The following DACH2 variants were observed in gnomAD, a reference collection of about 807,000 sequenced individuals.
DACH2 encodes the protein dachshund family transcription factor 2.
Under a neutral mutation model 35.8 loss-of-function variants are expected in DACH2, and 17 were observed. The observed-to-expected ratio is 0.48, with a 90% CI of 0.33 to 0.71. The LOEUF (loss-of-function observed/expected upper bound fraction) is 0.71, where lower values mean the gene tolerates loss of function less well. Ranked by LOEUF, DACH2 falls within the 30% of genes least tolerant of loss-of-function variation. The pLI is 0.02. For synonymous variants in DACH2, 195 were observed against 177.3 expected, an observed-to-expected ratio of 1.10 and a Z score of -0.79; for missense variants, 469 against 472.7, an observed-to-expected ratio of 0.99 and a Z score of 0.07.
chrX:86,293,441 T>A (rs1236239139), intron 1 of DACH2, among the ~76,000 whole-genome samples: 1 of 108,438 alleles, frequency 9.2e-6, no homozygotes, highest in Admixed American at 9.9e-5. Context: ...TTAATATTGT[T>A]ATGTGTGAAT....
chrX:86,757,240 G>T (rs2041838427), intron 7 of DACH2, among the ~76,000 whole-genome samples: 1 of 111,400 alleles, frequency 9.0e-6, no homozygotes, highest in Non-Finnish European at 1.9e-5. Flanking sequence ...GTTGATTGTA[G>T]CACTATTCAT....
At chrX:86,335,671 A>G (rs750510548) in intron 1 of DACH2, among the ~76,000 whole-genome samples, 1 of 111,906 alleles carries the variant, frequency 8.9e-6, no homozygotes, top group Non-Finnish European at 1.9e-5. Context: ...GGTTTTCTGA[A>G]TATGCAATCA....
chrX:86,396,567 A>G (rs1453157755), intron 2 of DACH2, among the ~76,000 whole-genome samples: 2,316 of 105,273 alleles, frequency 0.022, 19 homozygotes, highest in Non-Finnish European at 0.034. Context: ...ATTTTTGTAT[A>G]AGGTGTAAGG....
At chrX:86,831,128 C>A (rs1423392644) in intron 11 of DACH2, 1 of 110,772 alleles carries the variant, frequency 9.0e-6, no homozygotes, top group Non-Finnish European at 1.9e-5. Flanking sequence ...GAAAATTCTG[C>A]CACTCACCAT....
At chrX:86,415,925 G>A (rs1295170275) in intron 2 of DACH2, among the ~76,000 whole-genome samples, 9 of 111,749 alleles carry the variant, frequency 8.1e-5, no homozygotes, top group African/African-American at 2.9e-4. Flanking sequence ...GTTTCTGAGA[G>A]GAAGGAAGAA....
At chrX:86,814,582 T>A in intron 9 of DACH2, 106 bp from the exon 10 acceptor site, 2 of 802,984 alleles carry the variant, frequency 2.5e-6, no homozygotes, top group Non-Finnish European at 3.5e-6. Context: ...GTGAAATATT[T>A]CTATATCTCT....
At chrX:86,291,635 G>T in intron 1 of DACH2, among the ~76,000 whole-genome samples, 1 of 108,511 alleles carries the variant, frequency 9.2e-6, no homozygotes, top group Non-Finnish European at 1.9e-5. Context: ...TTAGCATGAA[G>T]GGTTGTTAAA....
intron 4 of DACH2, among the ~76,000 whole-genome samples, chrX:86,667,623 A>AGGCAGGCC (rs1188784569): frequency 3.6e-5 from 4 of 109,830 alleles, no homozygotes; most frequent in African/African-American, 1.3e-4. Flanking sequence ...AAAGGCAGGC[A>AGGCAGGCC]GGCCCTGGTC....
At position 86,199,156 on chromosome X, in the gene DACH2, G is replaced by T. The variant is rs140814353; in HGVS notation, c.488+50048G>T. ...GATTCATCATATAAACAGAAGTAAA[G>T]AAAAAAACCACATGATTATTTCAAT... On this transcript the variant is annotated intron_variant, in intron 1 of 11. Coordinates refer to ENST00000373125, the MANE Select transcript of DACH2 (RefSeq NM_053281.3). Among the ~76,000 whole-genome samples, 462 of 110,411 alleles carry T rather than the reference G, an allele frequency of 4.2e-3. 2 individuals carry two copies. Among genetic ancestry groups the T allele is most frequent in the Non-Finnish European group, 6.9e-3 (364 of 52,686 alleles).
At chrX:86,248,993 A>G (rs1218863420) in intron 1 of DACH2, among the ~76,000 whole-genome samples, 2 of 111,554 alleles carry the variant, frequency 1.8e-5, no homozygotes, top group Admixed American at 9.5e-5. Context: ...GGGATAACTG[A>G]CTAGTTATAT....
chrX:86,315,788 GACACACACACACACACACACACAC>G (rs774427717), intron 1 of DACH2, among the ~76,000 whole-genome samples: 11 of 78,509 alleles, frequency 1.4e-4, no homozygotes, highest in African/African-American at 5.6e-4. Context: ...GAGGGTCGTG[GACACACACACACACACACACACAC>G]ACACACACAC....
chrX:86,688,092 T>C (rs972686971), intron 4 of DACH2, among the ~76,000 whole-genome samples: 2 of 111,634 alleles, frequency 1.8e-5, no homozygotes, highest in Non-Finnish European at 3.8e-5. Context: ...ACAACATTTG[T>C]AGTGCAAGTT....
intron 1 of DACH2, among the ~76,000 whole-genome samples, chrX:86,162,299 G>A (rs2030790408): frequency 9.0e-6 from 1 of 110,951 alleles, no homozygotes; most frequent in African/African-American, 3.3e-5. Context: ...TTTACAGACA[G>A]GTGGACTAAA....
chrX:86,149,186 A>T, intron 1 of DACH2, 78 bp downstream of exon 1: 1 of 1,066,877 alleles, frequency 9.4e-7, no homozygotes, highest in Non-Finnish European at 1.2e-6. Context: ...CCCTCATCCA[A>T]CTTTGTTTGT....
At chrX:86,631,164 T>G (rs1157603444) in intron 3 of DACH2, among the ~76,000 whole-genome samples, 4 of 111,984 alleles carry the variant, frequency 3.6e-5, no homozygotes, top group Non-Finnish European at 7.5e-5. Flanking sequence ...TGGTGATACT[T>G]AAGAACCACC....
At chrX:86,371,170 A>G (rs977624565) in intron 1 of DACH2, among the ~76,000 whole-genome samples, 2 of 110,634 alleles carry the variant, frequency 1.8e-5, no homozygotes, top group African/African-American at 3.3e-5. Context: ...TTGACACTCT[A>G]TGTTAATACA....
intron 2 of DACH2, among the ~76,000 whole-genome samples, chrX:86,473,787 G>A (rs1245605144): frequency 2.7e-5 from 3 of 111,289 alleles, no homozygotes; most frequent in Non-Finnish European, 5.7e-5. Context: ...CACTTACGTG[G>A]CTTCCAAATC....
chrX:86,643,291 G>T (rs1602732988), intron 3 of DACH2, among the ~76,000 whole-genome samples: 1 of 108,273 alleles, frequency 9.2e-6, no homozygotes, highest in Non-Finnish European at 1.9e-5. Context: ...TGATACTACT[G>T]ACCCCACAGA....
intron 1 of DACH2, among the ~76,000 whole-genome samples, chrX:86,286,960 A>G (rs1171824957): frequency 8.9e-6 from 1 of 111,734 alleles, no homozygotes; most frequent in East Asian, 2.8e-4. Context: ...ATTACTATTA[A>G]TATTACCAGT....
Sources: allele counts gnomAD v4.1 joint callset (sites outside exome capture counted in the v4.1 genomes callset), GRCh38; gene constraint gnomAD v4.1.1; transcripts MANE v1.5; gene names NCBI Gene and HGNC (gene_info 2026-07-23, HGNC 2026-07-21).